MROH1: variants seen among roughly 807,000 people sequenced by gnomAD.
MROH1 encodes the protein maestro heat-like repeat-containing protein family member 1.
A neutral mutation model predicts 116.5 loss-of-function variants in MROH1; 117 were observed. The observed-to-expected ratio is 1.00, with a 90% CI of 0.86 to 1.17. The LOEUF is 1.17. MROH1 is among the 50% of genes most tolerant of loss of function. The pLI is 0.00. For synonymous variants in MROH1, 921 were observed against 583.9 expected, an observed-to-expected ratio of 1.58 and a Z score of -8.32; for missense variants, 1,873 against 1,338.5, an observed-to-expected ratio of 1.40 and a Z score of -6.23.
chr8:144,251,787 G>A (rs927433384), intron 33 of MROH1: 2 of 154,170 alleles, frequency 1.3e-5, no homozygotes, highest in Admixed American at 6.5e-5. Context: ...GGCAGAGGAG[G>A]TGTCCGGTCC....
In MROH1 at chr8:144,241,127, C is replaced by T. The variant is rs1840900278; in HGVS notation, c.2055+16C>T. 2 of 741,672 alleles carry T rather than the reference C, an allele frequency of 2.7e-6. No homozygotes were observed. Among genetic ancestry groups the T allele is most frequent in the African/African-American group, 1.7e-5 (1 of 58,250 alleles). The allele number at this position is 741,672 out of a possible 1,614,324, so 45.9% of individuals were successfully genotyped here. A position where few individuals can be genotyped will look rare whatever the true frequency, so the allele number is the denominator to read the frequency against. ...AGAACGCGAGGTGGGGCCGCTTTCC[C>T]TGCAGAAGCCCCAGACACCCCAGGG... On this transcript the variant is annotated intron_variant, in intron 21 of 43. Transcript: ENST00000326134.
At chr8:144,165,613 C>T (rs186005915) in intron 3 of MROH1, among the ~76,000 whole-genome samples, 4 of 151,986 alleles carry the variant, frequency 2.6e-5, no homozygotes, top group East Asian at 3.9e-4. Context: ...CTTGTTGTGT[C>T]GCTTATGCTG....
rs200733111 is a variant in MROH1, at chr8:144,205,538, G to A, written c.1141+4997G>A. 1.5e-3 allele frequency among the ~76,000 whole-genome samples: 187 copies of A among 127,682 alleles called. 1 individual carries two copies. The East Asian group carries it at 0.017, about 12-fold the overall frequency. 83.8% of individuals were successfully genotyped at this position (127,682 alleles called of 152,430 possible). ...TATAGACACACACACACACACACACGCATGCATGCCAGGATTACAGGCTGT... is the reference window on the plus strand; with the variant it reads ...TATAGACACACACACACACACACACACATGCATGCCAGGATTACAGGCTGT... On this transcript the variant is annotated intron_variant, in intron 12 of 43. Coordinates refer to ENST00000326134, the MANE Select transcript of MROH1 (RefSeq NM_032450.3).
At chr8:144,212,958 T>G in intron 12 of MROH1, 1 of 758,896 alleles carries the variant, frequency 1.3e-6, no homozygotes, top group Admixed American at 1.7e-5. Context: ...AATTGGACTA[T>G]CCCATAATTA....
Position 144,180,524 on chromosome 8 carries a change from G to C in MROH1, c.562+1G>C. The C allele has an allele frequency of 1.2e-6, 2 of 1,608,546 alleles. No individual in the cohort carries two copies. Among genetic ancestry groups the C allele is most frequent in the South Asian group, 2.2e-5 (2 of 91,040 alleles). On this transcript the variant is annotated splice_donor_variant, in intron 7 of 43. Coordinates refer to ENST00000326134, the MANE Select transcript of MROH1 (RefSeq NM_032450.3). LOFTEE classifies it high-confidence loss of function. The surrounding 1 kb of genome is among the most constrained non-coding windows in gnomAD (Gnocchi z 7.4). ...ACGGTGCGCGTGGCCTTCTGCTCCG[G>C]TAAGAGGCGGCCTCGTCACCTTCTG... is the stretch of plus-strand genomic sequence containing the variant.
intron 31 of MROH1, 92 bp from the exon 32 acceptor site, chr8:144,248,785 C>A (rs993661836): frequency 5.5e-6 from 4 of 720,748 alleles, no homozygotes; most frequent in South Asian, 4.4e-5. Flanking sequence ...TGGCTTCCCG[C>A]CCTAACGCGA....
At chr8:144,192,240 CTGAT>C (rs1828802314) in intron 9 of MROH1, 65 bp from the exon 10 acceptor site, 6 of 1,366,490 alleles carry the variant, frequency 4.4e-6, no homozygotes, top group Admixed American at 2.3e-5. Context: ...CTGGGAGGCT[CTGAT>C]TGACCTTAGT....
chr8:144,242,839 C>G (rs1382198466), intron 24 of MROH1, among the ~76,000 whole-genome samples: 1 of 152,206 alleles, frequency 6.6e-6, no homozygotes, highest in East Asian at 1.9e-4. Context: ...GAGGCGTCTG[C>G]GCCTCCGAGG....
intron 4 of MROH1, among the ~76,000 whole-genome samples, chr8:144,170,733 A>G (rs1822223371): frequency 6.6e-6 from 1 of 152,196 alleles, no homozygotes; most frequent in African/African-American, 2.4e-5. Context: ...TTCTGTTTTT[A>G]TGAACCCAGA....
intron 4 of MROH1, among the ~76,000 whole-genome samples, chr8:144,177,135 C>G (rs1824196751): frequency 1.3e-5 from 2 of 152,240 alleles, no homozygotes; most frequent in South Asian, 4.1e-4. Flanking sequence ...AAAAATCACT[C>G]CCACTCGTGG....
intron 12 of MROH1, among the ~76,000 whole-genome samples, chr8:144,204,564 G>A (rs1300650289): frequency 6.6e-6 from 1 of 152,166 alleles, no homozygotes; most frequent in Non-Finnish European, 1.5e-5. Context: ...CAACACCCAG[G>A]GGTGGCACTC....
At chr8:144,226,166 C>T (rs1310630782) in intron 14 of MROH1, among the ~76,000 whole-genome samples, 3 of 152,074 alleles carry the variant, frequency 2.0e-5, no homozygotes, top group East Asian at 1.9e-4. Context: ...CCTCCCGCCT[C>T]GGCCTCCCAA....
At position 144,260,747 on chromosome 8, in the gene MROH1, G is replaced by C. The variant is rs1844886444; in HGVS notation, c.4451G>C (p.Cys1484Ser). Reference protein sequence around the residue: ...GHLNKVCHGDCEDVFLDQVVG... With the variant: ...GHLNKVCHGDSEDVFLDQVVG... ...CTTAACAAGGTCTGCCACGGAGACT[G>C]TGAGGACGTCTTCCTGGACCAGGTG... is the stretch of plus-strand genomic sequence containing the variant. Residue 1484 changes from cysteine to serine, a missense_variant, in exon 40 of 44, where the codon TGT (cysteine) becomes TCT (serine). Transcript: ENST00000326134. The C allele has an allele frequency of 1.3e-6, 1 of 779,312 alleles. No individual in the cohort carries two copies. Among genetic ancestry groups the C allele is most frequent in the Non-Finnish European group, 2.4e-6 (1 of 417,796 alleles). The allele number at this position is 779,312 out of a possible 1,614,324, so 48.3% of individuals were successfully genotyped here.
At position 144,232,818 on chromosome 8, in the gene MROH1, A is replaced by G. The variant is rs1223064037; in HGVS notation, c.1339-5938A>G. ...TATTTATTTATTTATTTATTTATTT[A>G]TTTATTTATTTATTTATTTATTTTA... On this transcript the variant is annotated intron_variant, in intron 14 of 43. Transcript: ENST00000326134. 4.1e-5 allele frequency among the ~76,000 whole-genome samples: 6 copies of G among 147,382 alleles called. No individual in the cohort carries two copies. In the East Asian group the frequency reaches 1.2e-3, roughly 30 times the overall value.
intron 12 of MROH1, among the ~76,000 whole-genome samples, chr8:144,204,515 GTATT>G (rs1832411881): frequency 6.6e-6 from 1 of 152,182 alleles, no homozygotes; most frequent in African/African-American, 2.4e-5. Flanking sequence ...GTAAGCCTAT[GTATT>G]TATTCACCAA....
At chr8:144,257,511 AC>A (rs1198315281) in intron 35 of MROH1, among the ~76,000 whole-genome samples, 2 of 151,816 alleles carry the variant, frequency 1.3e-5, no homozygotes, top group African/African-American at 4.8e-5. Flanking sequence ...AGCCCTGTGT[AC>A]CCAACCGTCC....
chr8:144,255,743 C>T (rs1009617691), intron 35 of MROH1, 38 bp downstream of exon 35: 96 of 724,182 alleles, frequency 1.3e-4, no homozygotes, highest in Admixed American at 2.9e-4. Context: ...AGTACTGATT[C>T]GGAAGCACAG....
intron 4 of MROH1, among the ~76,000 whole-genome samples, chr8:144,176,193 C>T (rs563900237): frequency 1.3e-5 from 2 of 152,040 alleles, no homozygotes; most frequent in South Asian, 4.2e-4. Context: ...GTGGCGAAAC[C>T]TCATTTCTAC....
At position 144,250,223 on chromosome 8, in the gene MROH1, C is replaced by A. The variant is rs1378439316; in HGVS notation, c.3285C>A (p.Ile1095=). 1.0e-5 allele frequency: 8 copies of A among 767,130 alleles called. No homozygotes were observed. Among genetic ancestry groups the A allele is most frequent in the Non-Finnish European group, 1.9e-5 (8 of 416,886 alleles). 47.5% of individuals were successfully genotyped at this position (767,130 alleles called of 1,614,324 possible). ...CCGCCCATCTACAGGTGCCCGAGAT[C>A]GTGAGCGTCCTGCGCTCCAAGCTTC... ...GGVLQEKVPE[I]VSVLRSKLQE... The change falls in exon 33 of 44, where the codon ATC becomes ATA. Residue 1095 remains isoleucine (I), a synonymous_variant. Transcript: ENST00000326134.
Sources: allele counts gnomAD v4.1 joint callset (sites outside exome capture counted in the v4.1 genomes callset), GRCh38; gene constraint gnomAD v4.1.1; non-coding constraint Gnocchi (gnomAD v3.1); transcripts MANE v1.5; gene names NCBI Gene and HGNC (gene_info 2026-07-23, HGNC 2026-07-21).